The following MACF1 variants were observed in gnomAD, a reference collection of about 807,000 sequenced individuals.
MACF1 encodes microtubule actin crosslinking factor 1.
In MACF1, 193 loss-of-function variants were observed where a neutral mutation model predicts 854.8. That is an observed-to-expected ratio of 0.23 (90% CI 0.20 to 0.25). MACF1 has a LOEUF of 0.25. Among genes scored for constraint, MACF1 ranks in the 10% least tolerant of loss-of-function variants. The pLI is 1.00. For missense variants in MACF1, 7,722 were observed against 8,929.1 expected (o/e 0.86, Z 5.45); for synonymous variants, 3,185 against 3,226.7 (o/e 0.99, Z 0.44).
intron 6 of MACF1, among the ~76,000 whole-genome samples, chr1:39,261,520 G>A (rs1645163488): frequency 6.6e-6 from 1 of 152,046 alleles, no homozygotes; most frequent in African/African-American, 2.4e-5. Context: ...TGATAGATTT[G>A]CTTATTCTGG....
At chr1:39,087,087 C>A (rs965499190) in intron 2 of MACF1, among the ~76,000 whole-genome samples, 4 of 152,160 alleles carry the variant, frequency 2.6e-5, no homozygotes, top group Admixed American at 1.3e-4. Context: ...GAAAAGGCAG[C>A]CTTAGCTCTG....
At chr1:39,239,753 G>A (rs1170671563) in intron 2 of MACF1, among the ~76,000 whole-genome samples, 1 of 152,190 alleles carries the variant, frequency 6.6e-6, no homozygotes, top group East Asian at 1.9e-4. Context: ...GAAAAGCCCA[G>A]TATTTAATCT....
intron 35 of MACF1, among the ~76,000 whole-genome samples, chr1:39,326,662 C>G (rs1460188151): frequency 2.8e-5 from 3 of 109,066 alleles, no homozygotes; most frequent in African/African-American, 1.1e-4. Flanking sequence ...ACCTGGGTGA[C>G]AGAGCGAGAC....
chr1:39,166,224 T>C (rs1643880778), intron 2 of MACF1, among the ~76,000 whole-genome samples: 1 of 151,420 alleles, frequency 6.6e-6, no homozygotes, highest in Non-Finnish European at 1.5e-5. Flanking sequence ...TGTGCCACCA[T>C]GCTGGTCTAA....
rs778038894 is a variant in MACF1 at position 39,479,243 on chromosome 1, G to A, written c.21959-555G>A. On this transcript the variant is annotated intron_variant, in intron 97 of 100. Coordinates refer to ENST00000564288, the MANE Select transcript of MACF1 (RefSeq NM_001394062.1). ...CTTGATCTCTTTCTCTCTCCCCACC[G>A]ACATGTTTACTTCTTAATGATTCTC... 8.5e-5 allele frequency among the ~76,000 whole-genome samples: 13 copies of A among 152,124 alleles called. No homozygotes were observed. In the East Asian group the frequency reaches 1.2e-3, roughly 14 times the overall value.
Position 39,331,816 on chromosome 1 carries a change from G to C in MACF1, c.5228G>C (p.Gly1743Ala), listed in dbSNP as rs201351991. Residue 1743 changes from glycine (G) to alanine (A), a missense_variant, in exon 37 of 101, where the codon GGC (glycine) becomes GCC (alanine). By Grantham distance (60) the Gly-to-Ala change is moderately conservative. Transcript: ENST00000564288. ...LAGGMVSLKS[G>A]RKVSIFRAVQ... Reference sequence around the variant, plus strand: ...GGGGGGATGGTGAGCTTGAAATCAGGCCGGAAGGTTAGCATTTTCCGTGCA... The same window carrying C: ...GGGGGGATGGTGAGCTTGAAATCAGCCCGGAAGGTTAGCATTTTCCGTGCA... The C allele has an allele frequency of 1.9e-6, 3 of 1,614,144 alleles. No individual in the cohort carries two copies. Among genetic ancestry groups the C allele is most frequent in the Non-Finnish European group, 2.5e-6 (3 of 1,180,026 alleles).
At chr1:39,086,872 G>A (rs1323972197) in intron 2 of MACF1, among the ~76,000 whole-genome samples, 1 of 152,212 alleles carries the variant, frequency 6.6e-6, no homozygotes, top group Non-Finnish European at 1.5e-5. Flanking sequence ...ACTGCTGAAT[G>A]CCTCTTTTGA....
chr1:39,300,645 A>G lies in MACF1; in HGVS notation c.2634+283A>G, dbSNP rs547783128. On this transcript the variant is annotated intron_variant, in intron 22 of 100. Coordinates refer to ENST00000564288, the MANE Select transcript of MACF1 (RefSeq NM_001394062.1). ...TTGTAGCACTTGGGAGATATCCTTG[A>G]CTCCCCCACCCCTCTTATCCTCCAC... Among the ~76,000 whole-genome samples, 26 of 151,848 alleles carry G rather than the reference A, an allele frequency of 1.7e-4. No individual in the cohort carries two copies. The South Asian group carries it at 5.0e-3, about 29-fold the overall frequency.
chr1:39,186,986 AT>A (rs11427661), intron 2 of MACF1, among the ~76,000 whole-genome samples: 6,221 of 134,452 alleles, frequency 0.046, 377 homozygotes, highest in African/African-American at 0.15. Context: ...GTGATTCTTG[AT>A]TTTTTTTTTT....
Position 39,105,467 on chromosome 1 carries a change from T to A in MACF1, c.220+21029T>A. The A allele has an allele frequency of 9.9e-7, 1 of 1,007,324 alleles. No individual in the cohort carries two copies. The highest frequency in any genetic ancestry group is 1.2e-6 in the Non-Finnish European group (1 of 846,478). 62.4% of individuals were successfully genotyped at this position (1,007,324 alleles called of 1,614,324 possible). ...AGCGGACTGAGGAGCGGAGCGCGAC[T>A]GCCGGGCCGGGCGAGGCGGGCGGAC... On this transcript the variant is annotated intron_variant, in intron 2 of 93. Coordinates refer to the MACF1 transcript ENST00000361689. This position sits in a 1 kb window ranked among gnomAD's most constrained non-coding sequence, Gnocchi z 5.9.
chr1:39,382,101 G>C lies in MACF1; in HGVS notation c.13797G>C (p.Gly4599=). ...MEKELMMGVL[G]PLSIDPNMLN... ...AAGAACTGATGATGGGAGTGCTGGG[G>C]CCCCTGTCTATTGACCCCAACATGT... is the stretch of plus-strand genomic sequence containing the variant. Residue 4599 remains glycine (G), a synonymous_variant, in exon 56 of 101, where the codon GGG becomes GGC. Transcript: ENST00000564288. 6.2e-7 allele frequency: 1 copy of C among 1,614,042 alleles called. No individual in the cohort carries two copies. Among genetic ancestry groups the C allele is most frequent in the South Asian group, 1.1e-5 (1 of 91,072 alleles).
chr1:39,441,419 T>A (rs1487645322), intron 74 of MACF1, 94 bp downstream of exon 74: 1 of 958,372 alleles, frequency 1.0e-6, no homozygotes, highest in Non-Finnish European at 1.6e-6. Flanking sequence ...TGGATCACCT[T>A]CACAGGACTG....
At chr1:39,280,348 G>T (rs1467879294) in intron 6 of MACF1, among the ~76,000 whole-genome samples, 1 of 152,136 alleles carries the variant, frequency 6.6e-6, no homozygotes, top group Non-Finnish European at 1.5e-5. Flanking sequence ...CCAAAGGACT[G>T]TGATCAATGA....
chr1:39,121,787 C>G (rs997404869), intron 2 of MACF1, among the ~76,000 whole-genome samples: 10 of 152,172 alleles, frequency 6.6e-5, no homozygotes, highest in African/African-American at 2.4e-4. Context: ...CTATGATAGT[C>G]CAGTAACCTT....
At position 39,429,928 on chromosome 1, in the gene MACF1, G is replaced by A. The variant is rs1295353358; in HGVS notation, c.16990G>A (p.Ala5664Thr). The stretch of plus-strand genomic sequence containing the variant: ...CAAGGCCCTCAGAACTTTAGAGCAA[G>A]CCCGGCAGCTGGCCACCAAGTTCCA... ...SSKALRTLEQ[A>T]RQLATKFQST... is the part of the protein sequence containing the mutation. Residue 5664 changes from alanine (A) to threonine (T), a missense_variant, in exon 65 of 101, where the codon GCC becomes ACC. Ala to Thr is a moderately conservative substitution (Grantham distance 58). This residue lies in a region of MACF1 where 2,807 missense variants were observed against 3,235.8 expected (regional missense o/e 0.87). Coordinates refer to ENST00000564288, the MANE Select transcript of MACF1 (RefSeq NM_001394062.1). 1.9e-6 allele frequency: 3 copies of A among 1,614,018 alleles called. No homozygotes were observed. The highest frequency in any genetic ancestry group is 1.7e-6 in the Non-Finnish European group (2 of 1,180,030).
chr1:39,368,528 G>A (rs1185033215), intron 50 of MACF1, among the ~76,000 whole-genome samples: 1 of 151,782 alleles, frequency 6.6e-6, no homozygotes, highest in Non-Finnish European at 1.5e-5. Flanking sequence ...TTGAGACTGA[G>A]TATCACTCTG....
At chr1:39,141,298 G>A (rs1203173507) in intron 2 of MACF1, among the ~76,000 whole-genome samples, 1 of 152,188 alleles carries the variant, frequency 6.6e-6, no homozygotes, top group Non-Finnish European at 1.5e-5. Flanking sequence ...AACACAGATT[G>A]CTGGGTCCCA....
At chr1:39,232,166 T>C (rs918963579) in intron 2 of MACF1, among the ~76,000 whole-genome samples, 7 of 149,680 alleles carry the variant, frequency 4.7e-5, no homozygotes, top group Non-Finnish European at 7.4e-5. Flanking sequence ...TTATTTTAAA[T>C]AAAAGAGAAA....
At chr1:39,225,093 AGGATT>A (rs1644698820) in intron 1 of MACF1, among the ~76,000 whole-genome samples, 1 of 152,154 alleles carries the variant, frequency 6.6e-6, no homozygotes, top group East Asian at 1.9e-4. Context: ...CTGAAGCAGG[AGGATT>A]GCTTGAGCCT....
Sources: allele counts gnomAD v4.1 joint callset (sites outside exome capture counted in the v4.1 genomes callset), GRCh38; gene constraint gnomAD v4.1.1; regional missense constraint gnomAD v4.1.1; non-coding constraint Gnocchi (gnomAD v3.1); transcripts MANE v1.5; gene names NCBI Gene and HGNC (gene_info 2026-07-23, HGNC 2026-07-21).